BBS4: variants seen among roughly 807,000 people sequenced by gnomAD.
BBS4 encodes the protein BBSome complex member BBS4.
In BBS4, 58 loss-of-function variants were observed where a neutral mutation model predicts 71.4. That is an observed-to-expected ratio of 0.81 (90% CI 0.66 to 1.01). The LOEUF (loss-of-function observed/expected upper bound fraction) is 1.01. Among genes scored for constraint, BBS4 ranks in the 50% least tolerant of loss-of-function variants. The pLI is 0.00. For synonymous variants in BBS4, 228 were observed against 216.8 expected (o/e 1.05, Z -0.46); for missense variants, 660 against 607.9 (o/e 1.09, Z -0.90).
intron 2 of BBS4, among the ~76,000 whole-genome samples, chr15:72,708,418 T>C (rs950510728): frequency 6.6e-6 from 1 of 152,208 alleles, no homozygotes; most frequent in African/African-American, 2.4e-5. Flanking sequence ...TTATAATTTC[T>C]TACACCTGTC....
intron 2 of BBS4, among the ~76,000 whole-genome samples, chr15:72,702,802 C>CTTTTTTT (rs59816410): frequency 0.042 from 3,085 of 73,342 alleles, 154 homozygotes; most frequent in Non-Finnish European, 0.057. Context: ...GGAGCTGACT[C>CTTTTTTT]TTTTTTTTTT....
chr15:72,724,177 T>A (rs1015123039), intron 7 of BBS4, among the ~76,000 whole-genome samples: 1 of 152,212 alleles, frequency 6.6e-6, no homozygotes, highest in Non-Finnish European at 1.5e-5. Context: ...TTGGTCAGTG[T>A]TACAGCTGGG....
At chr15:72,736,055 T>TTTAAGAGTACTGCGGCATGAACTTAAA (rs2065917436) in intron 14 of BBS4, 89 bp downstream of exon 14, 3 of 1,468,094 alleles carry the variant, frequency 2.0e-6, no homozygotes, top group African/African-American at 2.8e-5. Context: ...TCCAAGGTAT[T>TTTAAGAGTACTGCGGCATGAACTTAAA]ACACGTTCAT....
chr15:72,729,185 T>A (rs1362112181), intron 9 of BBS4, among the ~76,000 whole-genome samples: 13 of 132,644 alleles, frequency 9.8e-5, no homozygotes, highest in Non-Finnish European at 1.3e-4. Context: ...TTTTTTTTTT[T>A]TAAAGTCAAG....
chr15:72,695,148 T>G, intron 1 of BBS4, 29 bp from the exon 2 acceptor site: 2 of 1,525,786 alleles, frequency 1.3e-6, no homozygotes, highest in Non-Finnish European at 1.8e-6. Flanking sequence ...ATTGTGGTGC[T>G]TCAATATAGA....
intron 1 of BBS4, among the ~76,000 whole-genome samples, chr15:72,688,650 G>T (rs746675675): frequency 5.2e-4 from 79 of 152,152 alleles, no homozygotes; most frequent in Non-Finnish European, 9.0e-4. Context: ...TGATCTGCAC[G>T]CCTCGGTCTC....
chr15:72,735,232 C>T (rs750178428), intron 13 of BBS4, 50 bp downstream of exon 13: 1 of 1,430,662 alleles, frequency 7.0e-7, no homozygotes, highest in Admixed American at 1.7e-5. Flanking sequence ...CTCTCCAAAG[C>T]CATGAGGTGG....
intron 9 of BBS4, among the ~76,000 whole-genome samples, chr15:72,729,360 C>T (rs1022436774): frequency 2.0e-5 from 3 of 150,922 alleles, no homozygotes; most frequent in African/African-American, 4.9e-5. Context: ...AAGCGATTCT[C>T]CTGCCTCAGC....
At chr15:72,706,917 C>T (rs1316077620) in intron 2 of BBS4, among the ~76,000 whole-genome samples, 3 of 151,944 alleles carry the variant, frequency 2.0e-5, no homozygotes, top group Non-Finnish European at 4.4e-5. Flanking sequence ...CTGGGCTCAA[C>T]TGATCCTCCT....
intron 5 of BBS4, among the ~76,000 whole-genome samples, chr15:72,716,164 A>G (rs1324077919): frequency 6.6e-6 from 1 of 152,230 alleles, no homozygotes; most frequent in Non-Finnish European, 1.5e-5. Context: ...TAACCCCATC[A>G]TAAGTTGAGG....
intron 6 of BBS4, among the ~76,000 whole-genome samples, chr15:72,719,315 G>A (rs1217717558): frequency 3.3e-5 from 5 of 150,404 alleles, no homozygotes; most frequent in African/African-American, 1.2e-4. Context: ...AGTATAGTGG[G>A]GTGATCATAG....
chr15:72,735,059 C>T (rs1163371166), intron 12 of BBS4, 54 bp from the exon 13 acceptor site: 10 of 1,361,568 alleles, frequency 7.3e-6, no homozygotes, highest in Admixed American at 1.7e-5. Context: ...GTCTTTAATA[C>T]TCCTTTTGTC....
intron 2 of BBS4, among the ~76,000 whole-genome samples, chr15:72,702,300 A>C (rs2065184168): frequency 6.6e-6 from 1 of 152,126 alleles, no homozygotes; most frequent in Admixed American, 6.6e-5. Flanking sequence ...TCTTCCATTA[A>C]CTACTTGTTG....
chr15:72,713,513 G>T (rs759941445), intron 4 of BBS4, among the ~76,000 whole-genome samples: 2 of 152,160 alleles, frequency 1.3e-5, no homozygotes, highest in African/African-American at 2.4e-5. Context: ...TGAAGGATCT[G>T]CCTGAGGCAG....
At chr15:72,732,091 A>AT (rs2065836622) in intron 12 of BBS4, among the ~76,000 whole-genome samples, 1 of 152,224 alleles carries the variant, frequency 6.6e-6, no homozygotes, top group Admixed American at 6.5e-5. Context: ...TCTACTACTT[A>AT]TTATATGTAC....
rs2065478426 is a variant in BBS4, at chr15:72,716,964, C to T, written c.405+114C>T. The T allele has an allele frequency of 8.9e-6, 7 of 788,796 alleles. No homozygotes were observed. The Admixed American group carries it at 1.3e-4, about 15-fold the overall frequency. 48.9% of individuals were successfully genotyped at this position (788,796 alleles called of 1,614,324 possible). On this transcript the variant is annotated intron_variant, in intron 6 of 15. Coordinates refer to ENST00000268057, the MANE Select transcript of BBS4 (RefSeq NM_033028.5). ...ATTCCAAAAATGTCTTGATTTTAAC[C>T]TCATACTTAATTCATGATTTGTATA...
intron 1 of BBS4, among the ~76,000 whole-genome samples, chr15:72,690,513 A>C (rs2064965174): frequency 1.3e-5 from 2 of 152,234 alleles, no homozygotes; most frequent in South Asian, 4.1e-4. Context: ...ATTCTTTAGT[A>C]GTATATTCCC....
At chr15:72,695,852 T>C (rs1166782041) in intron 2 of BBS4, among the ~76,000 whole-genome samples, 3 of 152,240 alleles carry the variant, frequency 2.0e-5, no homozygotes, top group Admixed American at 6.5e-5. Flanking sequence ...TTTAATTCTA[T>C]TGTGGGTAGA....
At chr15:72,694,342 C>T (rs2065038732) in intron 1 of BBS4, among the ~76,000 whole-genome samples, 1 of 151,956 alleles carries the variant, frequency 6.6e-6, no homozygotes. Context: ...AGGCACGTGC[C>T]ACCATGCCGA....
Sources: gnomAD v4.1 joint callset for allele counts (sites outside exome capture counted in the v4.1 genomes callset) on GRCh38, gnomAD v4.1.1 for gene constraint, MANE v1.5 for transcripts, NCBI Gene and HGNC (gene_info 2026-07-23, HGNC 2026-07-21) for gene names.